Variants in PALD1 observed in about 807,000 individuals in gnomAD.
PALD1 encodes the protein paladin.
PALD1 carries 57 observed loss-of-function variants against 96.0 expected under a neutral mutation model. The ratio of observed to expected loss-of-function variants is 0.59; its 90% CI spans 0.48 to 0.74. PALD1 has a LOEUF of 0.74. PALD1 is among the 30% of genes least tolerant of loss of function. The probability of loss-of-function intolerance (pLI) is 0.00; values close to 1 mark genes in which losing one functional copy is unlikely to be tolerated. For missense variants in PALD1, 1,063 were observed against 1,143.7 expected, an observed-to-expected ratio of 0.93 and a Z score of 1.02; for synonymous variants, 464 against 473.6, an observed-to-expected ratio of 0.98 and a Z score of 0.26.
chr10:70,537,950 C>A, intron 11 of PALD1, 44 bp downstream of exon 11: 1 of 1,312,004 alleles, frequency 7.6e-7, no homozygotes, highest in Non-Finnish European at 1.1e-6. Flanking sequence ...CCTCCTGGGC[C>A]TCTCCCAGCC....
intron 18 of PALD1, among the ~76,000 whole-genome samples, chr10:70,563,375 C>T (rs558049551): frequency 1.2e-3 from 186 of 152,312 alleles, no homozygotes; most frequent in Non-Finnish European, 2.1e-3. Context: ...CACCAGGCCT[C>T]CACGGCCCAG....
chr10:70,496,011 AAAC>A (rs138584752), intron 1 of PALD1, among the ~76,000 whole-genome samples: 79 of 151,034 alleles, frequency 5.2e-4, no homozygotes, highest in South Asian at 1.7e-3. Flanking sequence ...ACTCTATCTC[AAAC>A]AACAACAACA....
Position 70,526,014 on chromosome 10 carries a change from A to G in PALD1, c.63A>G (p.Leu21=). 3.1e-6 allele frequency: 5 copies of G among 1,614,202 alleles called. No homozygotes were observed. Among genetic ancestry groups the G allele is most frequent in the South Asian group, 2.2e-5 (2 of 91,090 alleles). ...TVSAGTPFEG[L]QGSGTMDSRH... ...CGGCAGGCACCCCATTTGAGGGCCT[A>G]CAGGGCAGTGGCACGATGGACAGTC... Residue 21 remains leucine, a synonymous_variant, in exon 2 of 20, where the codon CTA becomes CTG. Coordinates refer to ENST00000263563, the MANE Select transcript of PALD1 (RefSeq NM_014431.3).
rs1847807483 is a variant in PALD1 at position 70,564,617 on chromosome 10, C to T, written c.2418+98C>T. The T allele has an allele frequency of 8.5e-6, 10 of 1,175,946 alleles. No homozygotes were observed. The South Asian group carries it at 1.0e-4, about 12-fold the overall frequency. The allele number at this position is 1,175,946 out of a possible 1,614,324, so 72.8% of individuals were successfully genotyped here. On this transcript the variant is annotated intron_variant, in intron 19 of 19. Coordinates refer to ENST00000263563, the MANE Select transcript of PALD1 (RefSeq NM_014431.3). ...GTGCCTGTACATGGCCTGCGGGGAC[C>T]CCGTGACAGGCGGGAAGAGCCCCCA...
At chr10:70,476,908 T>C (rs1454466091), upstream of PALD1, among the ~76,000 whole-genome samples, 2 of 32 alleles carry the variant, frequency 0.062, no homozygotes, top group South Asian at 0.33. Context: ...TATGTGTGTA[T>C]TATGTGCATA....
intron 4 of PALD1, among the ~76,000 whole-genome samples, chr10:70,530,772 T>C (rs1365655046): frequency 6.6e-6 from 1 of 152,118 alleles, no homozygotes; most frequent in Non-Finnish European, 1.5e-5. Flanking sequence ...TCTTCCCATC[T>C]TGATGATAAG....
rs139163700 is a variant in PALD1 at position 70,555,424 on chromosome 10, C to T, written c.2262+7978C>T. Among the ~76,000 whole-genome samples, 297 of 152,340 alleles carry T rather than the reference C, an allele frequency of 1.9e-3. 1 individual carries two copies. The highest frequency in any genetic ancestry group is 7.0e-3 in the African/African-American group (290 of 41,570). On this transcript the variant is annotated intron_variant, in intron 18 of 19. Coordinates refer to ENST00000263563, the MANE Select transcript of PALD1 (RefSeq NM_014431.3). The stretch of plus-strand genomic sequence containing the variant: ...GATTGGCTGGAGGCTGGACCAGAAG[C>T]TGGTTCCCAACTCCTCGACTTGCAT...
At chr10:70,508,257 C>G (rs947027508) in intron 1 of PALD1, among the ~76,000 whole-genome samples, 6 of 152,204 alleles carry the variant, frequency 3.9e-5, no homozygotes, top group African/African-American at 1.4e-4. Flanking sequence ...CAACAGACTG[C>G]AAAACACCCT....
In PALD1 at chr10:70,534,420, G is replaced by A. The variant is rs374851315; in HGVS notation, c.1023-5G>A. The stretch of plus-strand genomic sequence containing the variant: ...CCTGCTAATGTACTGACCCTGCCTC[G>A]ACAGGGCTGCCCCCACGCAGGCCAA... On this transcript the variant is annotated splice_polypyrimidine_tract_variant and splice_region_variant and intron_variant, in intron 8 of 19. Transcript: ENST00000263563. 27 of 1,602,920 alleles carry A rather than the reference G, an allele frequency of 1.7e-5. No homozygotes were observed. Among genetic ancestry groups the A allele is most frequent in the African/African-American group, 8.0e-5 (6 of 74,710 alleles).
At chr10:70,509,355 A>T (rs1015610354) in intron 1 of PALD1, among the ~76,000 whole-genome samples, 1 of 152,166 alleles carries the variant, frequency 6.6e-6, no homozygotes, top group Non-Finnish European at 1.5e-5. Flanking sequence ...CACCTGCTTG[A>T]TGGGACAGTT....
intron 1 of PALD1, among the ~76,000 whole-genome samples, chr10:70,524,942 G>A (rs1368449993): frequency 1.3e-5 from 2 of 152,156 alleles, no homozygotes; most frequent in Admixed American, 6.5e-5. Context: ...GAGGGTGCCC[G>A]GCGTTCTTCA....
intron 1 of PALD1, among the ~76,000 whole-genome samples, chr10:70,514,432 A>G (rs1283546490): frequency 6.6e-6 from 1 of 151,576 alleles, no homozygotes; most frequent in African/African-American, 2.4e-5. Flanking sequence ...TAGCAGGTGA[A>G]GGGTTCCTGT....
chr10:70,538,188 C>A, intron 11 of PALD1, 92 bp from the exon 12 acceptor site: 1 of 1,393,768 alleles, frequency 7.2e-7, no homozygotes. Context: ...TGTTGGATAT[C>A]TTTTGGGGCT....
intron 1 of PALD1, among the ~76,000 whole-genome samples, chr10:70,515,844 C>T (rs977827218): frequency 1.3e-5 from 2 of 152,216 alleles, no homozygotes; most frequent in East Asian, 1.9e-4. Context: ...CCAGAGCCCA[C>T]GATTCACAGA....
At chr10:70,519,382 C>T (rs1437465071) in intron 1 of PALD1, among the ~76,000 whole-genome samples, 1 of 152,040 alleles carries the variant, frequency 6.6e-6, no homozygotes, top group Admixed American at 6.5e-5. Flanking sequence ...CTGATACAGG[C>T]CCACTTTTTC....
At chr10:70,491,631 A>G (rs1589171488) in intron 1 of PALD1, among the ~76,000 whole-genome samples, 1 of 152,192 alleles carries the variant, frequency 6.6e-6, no homozygotes, top group Non-Finnish European at 1.5e-5. Flanking sequence ...TTTAAAGTGT[A>G]CAGTTCAGTG....
intron 1 of PALD1, among the ~76,000 whole-genome samples, chr10:70,502,924 A>C (rs528791576): frequency 6.6e-6 from 1 of 152,120 alleles, no homozygotes; most frequent in South Asian, 2.1e-4. Context: ...CTTGTTGCCC[A>C]GGCTGCAGTG....
At chr10:70,559,776 A>G (rs1309752662) in intron 18 of PALD1, among the ~76,000 whole-genome samples, 4 of 152,096 alleles carry the variant, frequency 2.6e-5, no homozygotes, top group Non-Finnish European at 5.9e-5. Flanking sequence ...CAGGAGGTTC[A>G]CTGGGACATG....
chr10:70,462,187 C>T, the PALD1 span, among the ~76,000 whole-genome samples: 5 of 152,182 alleles, frequency 3.3e-5, no homozygotes, highest in South Asian at 2.1e-4. Context: ...TCCTTGCTTG[C>T]GCAGAGCTCA....
Sources: allele counts gnomAD v4.1 joint callset (sites outside exome capture counted in the v4.1 genomes callset), GRCh38; gene constraint gnomAD v4.1.1; transcripts MANE v1.5; gene names NCBI Gene and HGNC (gene_info 2026-07-23, HGNC 2026-07-21).